NHSL2: variants seen among roughly 807,000 people sequenced by gnomAD.
NHSL2 encodes the protein NHS-like protein 2.
A neutral mutation model predicts 53.4 loss-of-function variants in NHSL2; 27 were observed. The observed-to-expected ratio is 0.51, with a 90% CI of 0.37 to 0.70. The LOEUF (loss-of-function observed/expected upper bound fraction) is 0.70. Ranked by LOEUF, NHSL2 falls within the 30% of genes least tolerant of loss-of-function variation. NHSL2 has a pLI of 0.00. For missense variants in NHSL2, 892 were observed against 980.1 expected, an observed-to-expected ratio of 0.91 and a Z score of 1.20; for synonymous variants, 408 against 404.1, an observed-to-expected ratio of 1.01 and a Z score of -0.12.
intron 1 of NHSL2, among the ~76,000 whole-genome samples, chrX:72,048,085 A>G (rs201163235): frequency 0.093 from 9,845 of 105,440 alleles, 690 homozygotes; most frequent in African/African-American, 0.23. Flanking sequence ...CAATAATAAT[A>G]ATAATAATAA....
chrX:71,981,669 G>A (rs2041979787), intron 1 of NHSL2, among the ~76,000 whole-genome samples: 1 of 111,451 alleles, frequency 9.0e-6, no homozygotes, highest in African/African-American at 3.3e-5. Flanking sequence ...ACAAAGATCT[G>A]AATAGACAGT....
rs190874071 is a variant in NHSL2 at position 72,041,905 on chromosome X, A to C, written c.281-90174A>C. On this transcript the variant is annotated intron_variant, in intron 1 of 7. Transcript: ENST00000633930. ...GGGGTGGGATGAAAGCTAAAGGAAC[A>C]TGAGAACGGTGAGGTGAGGTCGTGC... 2.7e-5 allele frequency among the ~76,000 whole-genome samples: 3 copies of C among 112,310 alleles called. No individual in the cohort carries two copies. In the East Asian group the frequency reaches 8.4e-4, roughly 31 times the overall value.
intron 1 of NHSL2, among the ~76,000 whole-genome samples, chrX:71,953,737 C>A (rs1218633382): frequency 8.9e-6 from 1 of 111,741 alleles, no homozygotes; most frequent in African/African-American, 3.3e-5. Context: ...TTGAATAGTT[C>A]TACTAATAGG....
rs2042438458 is a variant in NHSL2, at chrX:72,143,709, G to A, written c.*135G>A. On this transcript the variant is annotated 3_prime_UTR_variant, in exon 8 of 8. Coordinates refer to ENST00000633930, the MANE Select transcript of NHSL2 (RefSeq NM_001013627.3). ...TATTAACTCACACTCTGGACAGCAG[G>A]AGAGAGGCTACTTCATCTAGAGCTA... is the stretch of plus-strand genomic sequence containing the variant. The A allele has an allele frequency of 1.1e-5, 5 of 435,664 alleles. No homozygotes were observed. Among genetic ancestry groups the A allele is most frequent in the Middle Eastern group, 4.9e-4 (1 of 2,055 alleles). The allele number at this position is 435,664 out of a possible 1,213,427, so 35.9% of individuals were successfully genotyped here.
intron 1 of NHSL2, among the ~76,000 whole-genome samples, chrX:71,945,455 T>C (rs1430526357): frequency 8.9e-6 from 1 of 111,818 alleles, no homozygotes; most frequent in Non-Finnish European, 1.9e-5. Flanking sequence ...TCCTGAGGTT[T>C]CTTGGCACTG....
chrX:72,085,801 G>A (rs138948977), intron 1 of NHSL2, among the ~76,000 whole-genome samples: 2,402 of 107,078 alleles, frequency 0.022, 35 homozygotes, highest in Non-Finnish European at 0.032. Context: ...TGGGTCCCAG[G>A]CAGTGCAGCT....
At chrX:72,109,487 G>T (rs1372247629) in intron 1 of NHSL2, among the ~76,000 whole-genome samples, 1 of 111,067 alleles carries the variant, frequency 9.0e-6, no homozygotes, top group African/African-American at 3.3e-5. Context: ...TGTTTGTTTG[G>T]GAGACAGAGT....
At chrX:72,083,310 C>T (rs1425621652) in intron 1 of NHSL2, among the ~76,000 whole-genome samples, 2 of 112,912 alleles carry the variant, frequency 1.8e-5, no homozygotes, top group Non-Finnish European at 3.7e-5. Context: ...TCACAGTCTG[C>T]GAAGTGGCAG....
chrX:71,920,797 A>T (rs759856726), intron 1 of NHSL2, among the ~76,000 whole-genome samples: 391 of 105,093 alleles, frequency 3.7e-3, no homozygotes, highest in Non-Finnish European at 6.5e-3. Flanking sequence ...GTTAGGTTAC[A>T]TATATATTTT....
At chrX:72,068,675 T>TGAGA (rs5902689) in intron 1 of NHSL2, among the ~76,000 whole-genome samples, 3 of 108,957 alleles carry the variant, frequency 2.8e-5, no homozygotes, top group African/African-American at 6.8e-5. Flanking sequence ...TGTGTGTGTG[T>TGAGA]GAGAGAGAGA....
At chrX:72,081,714 C>T (rs1192758024) in intron 1 of NHSL2, among the ~76,000 whole-genome samples, 3 of 112,622 alleles carry the variant, frequency 2.7e-5, no homozygotes, top group Non-Finnish European at 5.6e-5. Flanking sequence ...GGATTTATTT[C>T]TCTTCTCTAT....
intron 4 of NHSL2, among the ~76,000 whole-genome samples, chrX:72,135,476 A>G (rs2042348749): frequency 8.9e-6 from 1 of 111,747 alleles, no homozygotes; most frequent in African/African-American, 3.3e-5. Context: ...TGATGAAACC[A>G]TGATCTCAGT....
At chrX:72,074,199 C>A (rs1322340539) in intron 1 of NHSL2, among the ~76,000 whole-genome samples, 1 of 112,376 alleles carries the variant, frequency 8.9e-6, no homozygotes, top group East Asian at 2.8e-4. Flanking sequence ...ATGAGTCCAC[C>A]ATTCTCTTCT....
rs2042098266 is a variant in NHSL2 at position 72,112,067 on chromosome X, T to C, written c.281-20012T>C. 4.5e-5 allele frequency among the ~76,000 whole-genome samples: 5 copies of C among 109,954 alleles called. No individual in the cohort carries two copies. In the Admixed American group the frequency reaches 4.9e-4, roughly 11 times the overall value. On this transcript the variant is annotated intron_variant, in intron 1 of 7. Coordinates refer to ENST00000633930, the MANE Select transcript of NHSL2 (RefSeq NM_001013627.3). ...CCAAATGAAGGAAGGAAGCAAGCCA[T>C]GTGAAAATCAGGGAAAAGAGTGTTA...
Position 71,994,712 on chromosome X carries a change from G to A in NHSL2, c.280+83345G>A, listed in dbSNP as rs12390476. ...AGCCACCTGTGGGTTTGGAGCTGGGGAGTGATGAGTCTGATCTCAGCTTTG... is the reference window on the plus strand; with the variant it reads ...AGCCACCTGTGGGTTTGGAGCTGGGAAGTGATGAGTCTGATCTCAGCTTTG... On this transcript the variant is annotated intron_variant, in intron 1 of 7. Coordinates refer to ENST00000633930, the MANE Select transcript of NHSL2 (RefSeq NM_001013627.3). Among the ~76,000 whole-genome samples, 320 of 111,796 alleles carry A rather than the reference G, an allele frequency of 2.9e-3. 1 individual carries two copies. The highest frequency in any genetic ancestry group is 1.0e-2 in the African/African-American group (306 of 30,741).
At chrX:72,036,611 C>G (rs1172735510) in intron 1 of NHSL2, among the ~76,000 whole-genome samples, 2 of 111,663 alleles carry the variant, frequency 1.8e-5, no homozygotes, top group Non-Finnish European at 3.8e-5. Flanking sequence ...AGGCTCTGAT[C>G]ATACAAATCT....
chrX:72,051,092 C>T (rs762215758), intron 1 of NHSL2, among the ~76,000 whole-genome samples: 21 of 111,695 alleles, frequency 1.9e-4, no homozygotes, highest in Non-Finnish European at 3.4e-4. Flanking sequence ...TATTATACTA[C>T]ATGAAGTAAC....
chrX:72,022,023 C>T (rs2042162747), intron 1 of NHSL2, among the ~76,000 whole-genome samples: 3 of 111,906 alleles, frequency 2.7e-5, no homozygotes, highest in Non-Finnish European at 5.6e-5. Context: ...TGCCTCTGCT[C>T]TCTGGGATAT....
rs187556467 is a variant in NHSL2, at chrX:72,115,557, T to C, written c.281-16522T>C. On this transcript the variant is annotated intron_variant, in intron 1 of 7. Transcript: ENST00000633930. Reference sequence around the variant, plus strand: ...AGGCAAGTGACAGCACAGGCATTAATTCAGCAGCGGCCAGGGCAGCCTGAC... The same window carrying C: ...AGGCAAGTGACAGCACAGGCATTAACTCAGCAGCGGCCAGGGCAGCCTGAC... Among the ~76,000 whole-genome samples the C allele has an allele frequency of 4.5e-3, 500 of 110,881 alleles. 4 individuals carry two copies. The South Asian group carries it at 0.081, about 18-fold the overall frequency.
Sources: allele counts gnomAD v4.1 joint callset (sites outside exome capture counted in the v4.1 genomes callset), GRCh38; gene constraint gnomAD v4.1.1; transcripts MANE v1.5; gene names NCBI Gene and HGNC (gene_info 2026-07-23, HGNC 2026-07-21).